Variants in PALM2AKAP2 observed in about 807,000 individuals in gnomAD.
The protein encoded by PALM2AKAP2 is PALM2-AKAP2 fusion protein.
Under a neutral mutation model 71.5 loss-of-function variants are expected in PALM2AKAP2, and 37 were observed. That is an observed-to-expected ratio of 0.52 (90% CI 0.40 to 0.68). The LOEUF (loss-of-function observed/expected upper bound fraction) is 0.68. PALM2AKAP2 is among the 30% of genes least tolerant of loss of function. PALM2AKAP2 has a pLI of 0.00. For synonymous variants in PALM2AKAP2, 468 were observed against 478.8 expected (o/e 0.98, Z 0.29); for missense variants, 1,224 against 1,191.8 (o/e 1.03, Z -0.40).
chr9:109,704,742 A>G (rs1828115805), intron 1 of PALM2AKAP2, among the ~76,000 whole-genome samples: 1 of 152,124 alleles, frequency 6.6e-6, no homozygotes, highest in African/African-American at 2.4e-5. Context: ...CTTCTGCCCC[A>G]AAGGATTTGA....
chr9:110,004,284 T>A (rs920900287), intron 6 of PALM2AKAP2, among the ~76,000 whole-genome samples: 7 of 152,200 alleles, frequency 4.6e-5, no homozygotes, highest in African/African-American at 1.7e-4. Context: ...CTCCTTCACT[T>A]ATGAAGCTTA....
chr9:109,693,816 A>T (rs1827930623), intron 1 of PALM2AKAP2, among the ~76,000 whole-genome samples: 1 of 152,010 alleles, frequency 6.6e-6, no homozygotes, highest in African/African-American at 2.4e-5. Context: ...CAGTCCTTAA[A>T]CTTATTGATA....
At chr9:110,100,341 A>G in intron 1 of PALM2AKAP2, among the ~76,000 whole-genome samples, 1 of 152,118 alleles carries the variant, frequency 6.6e-6, no homozygotes, top group East Asian at 1.9e-4. Context: ...ATATCTGTCT[A>G]CATGTTTCAG....
intron 1 of PALM2AKAP2, among the ~76,000 whole-genome samples, chr9:109,757,325 A>G (rs1828979037): frequency 6.6e-6 from 1 of 152,164 alleles, no homozygotes; most frequent in Non-Finnish European, 1.5e-5. Flanking sequence ...TAAGAATCCC[A>G]TACTGTATCT....
intron 1 of PALM2AKAP2, among the ~76,000 whole-genome samples, chr9:109,751,801 G>T (rs1828889777): frequency 6.6e-6 from 1 of 152,136 alleles, no homozygotes; most frequent in Non-Finnish European, 1.5e-5. Flanking sequence ...CCATCACCGA[G>T]TAAAGAGCAG....
At chr9:109,905,117 TTG>T (rs1830418052) in intron 3 of PALM2AKAP2, among the ~76,000 whole-genome samples, 2 of 152,214 alleles carry the variant, frequency 1.3e-5, no homozygotes, top group Admixed American at 6.5e-5. Flanking sequence ...ATAATAGCTG[TTG>T]TAAAATAGAA....
chr9:109,699,293 C>G (rs1464257837), intron 1 of PALM2AKAP2, among the ~76,000 whole-genome samples: 1 of 152,164 alleles, frequency 6.6e-6, no homozygotes, highest in Non-Finnish European at 1.5e-5. Context: ...GAATTGGTAC[C>G]TCTTTTCTGA....
chr9:109,844,968 C>T (rs1325991197), intron 1 of PALM2AKAP2, among the ~76,000 whole-genome samples: 7 of 123,326 alleles, frequency 5.7e-5, no homozygotes, highest in Admixed American at 3.3e-4. Context: ...TGCATGTGCA[C>T]ACACGCATGC....
At chr9:109,987,256 G>A (rs901691122) in intron 6 of PALM2AKAP2, among the ~76,000 whole-genome samples, 7 of 151,962 alleles carry the variant, frequency 4.6e-5, no homozygotes, top group Non-Finnish European at 8.8e-5. Context: ...TCAGCCTCCT[G>A]AGTAGCTGGG....
intron 1 of PALM2AKAP2, among the ~76,000 whole-genome samples, chr9:109,817,304 T>A (rs184257542): frequency 6.6e-6 from 1 of 152,316 alleles, no homozygotes; most frequent in Admixed American, 6.5e-5. Context: ...CCCATGCATA[T>A]GCATGATGTC....
intron 1 of PALM2AKAP2, among the ~76,000 whole-genome samples, chr9:109,824,322 A>G (rs912900757): frequency 1.3e-5 from 2 of 152,204 alleles, no homozygotes; most frequent in Non-Finnish European, 1.5e-5. Context: ...AGTCCCCACC[A>G]TAACAGTTTC....
intron 7 of PALM2AKAP2, among the ~76,000 whole-genome samples, chr9:110,017,031 C>T (rs889926015): frequency 6.6e-5 from 10 of 152,134 alleles, no homozygotes; most frequent in African/African-American, 2.4e-4. Flanking sequence ...AGGCGCCAGC[C>T]ACCGTGCCTG....
intron 1 of PALM2AKAP2, among the ~76,000 whole-genome samples, chr9:109,802,040 A>C (rs1054560090): frequency 2.0e-5 from 3 of 152,212 alleles, no homozygotes; most frequent in Non-Finnish European, 2.9e-5. Context: ...AACACTTCTC[A>C]GTCAAAATGC....
rs1219086738 is a variant in PALM2AKAP2, at chr9:109,691,879, CACATAT to C, written c.5+51015_5+51020del. 1.8e-3 allele frequency among the ~76,000 whole-genome samples: 90 copies of C among 50,484 alleles called. 4 individuals carry two copies. Among genetic ancestry groups the C allele is most frequent in the Non-Finnish European group, 3.0e-3 (75 of 24,600 alleles). 33.1% of individuals were successfully genotyped at this position (50,484 alleles called of 152,430 possible). A position where few individuals can be genotyped will look rare whatever the true frequency, so the allele number is the denominator to read the frequency against. On this transcript the variant is annotated intron_variant, in intron 1 of 6. Transcript: ENST00000374531. The stretch of plus-strand genomic sequence containing the variant: ...ATATATATATATATACACACACACA[CACATAT>C]ATATATATATATATATACACACACA...
At chr9:110,060,016 T>C (rs887814457) in intron 1 of PALM2AKAP2, among the ~76,000 whole-genome samples, 2 of 152,188 alleles carry the variant, frequency 1.3e-5, no homozygotes, top group East Asian at 3.8e-4. Context: ...AAATCAGAGA[T>C]CAGGGTGTCT....
chr9:109,687,552 G>A (rs547060727), intron 1 of PALM2AKAP2, among the ~76,000 whole-genome samples: 91 of 152,218 alleles, frequency 6.0e-4, no homozygotes, highest in Admixed American at 2.5e-3. Context: ...CACCTTTCTC[G>A]GCCTTCATAG....
At chr9:110,101,587 C>T (rs1471313420) in intron 1 of PALM2AKAP2, among the ~76,000 whole-genome samples, 3 of 152,152 alleles carry the variant, frequency 2.0e-5, no homozygotes, top group African/African-American at 7.2e-5. Context: ...CAGGCCAAGG[C>T]AGACAAAGAA....
At chr9:109,829,624 A>G (rs1023247355) in intron 1 of PALM2AKAP2, among the ~76,000 whole-genome samples, 1 of 151,212 alleles carries the variant, frequency 6.6e-6, no homozygotes, top group Non-Finnish European at 1.5e-5. Flanking sequence ...CCATTTTGCA[A>G]TTTTCTATCT....
intron 1 of PALM2AKAP2, among the ~76,000 whole-genome samples, chr9:110,079,839 G>A (rs1564293245): frequency 6.6e-6 from 1 of 152,162 alleles, no homozygotes; most frequent in East Asian, 1.9e-4. Context: ...GGAGGCCAAG[G>A]CGTGCAGAAA....
Sources: gnomAD v4.1 joint callset for allele counts (sites outside exome capture counted in the v4.1 genomes callset) on GRCh38, gnomAD v4.1.1 for gene constraint, MANE v1.5 for transcripts, NCBI Gene and HGNC (gene_info 2026-07-23, HGNC 2026-07-21) for gene names.